The following RELN variants were observed in gnomAD, a reference collection of about 807,000 sequenced individuals.
RELN encodes the protein reelin.
Under a neutral mutation model 427.6 loss-of-function variants are expected in RELN, and 108 were observed. That is an observed-to-expected ratio of 0.25 (90% confidence interval 0.22 to 0.30). The LOEUF is 0.30. RELN is among the 10% of genes least tolerant of loss of function. The probability of loss-of-function intolerance (pLI) is 1.00; values close to 1 mark genes in which losing one functional copy is unlikely to be tolerated. For missense variants in RELN, 3,715 were observed against 4,302.8 expected (o/e 0.86, Z 3.82); for synonymous variants, 1,524 against 1,513.4 (o/e 1.01, Z -0.16).
chr7:103,847,660 A>G (rs898433641), intron 2 of RELN, among the ~76,000 whole-genome samples: 4 of 152,180 alleles, frequency 2.6e-5, no homozygotes, highest in African/African-American at 9.7e-5. Flanking sequence ...AGGCTTGAGA[A>G]TATTGGAGGT....
rs140563047 is a variant in RELN at position 103,583,938 on chromosome 7, C to T, written c.4145+5658G>A. Among the ~76,000 whole-genome samples the T allele has an allele frequency of 9.6e-4, 147 of 152,352 alleles. 1 individual carries two copies. In the East Asian group the frequency reaches 0.014, roughly 15 times the overall value. On this transcript the variant is annotated intron_variant, in intron 28 of 64. Coordinates refer to ENST00000428762, the MANE Select transcript of RELN (RefSeq NM_005045.4). ...GACAGGGAACTCACGCTAGGTCACT[C>T]ATGCCCCACTCCTGAGACCTGAATA... is the stretch of plus-strand genomic sequence containing the variant.
At chr7:103,772,256 T>C (rs1427929958) in intron 4 of RELN, among the ~76,000 whole-genome samples, 1 of 152,218 alleles carries the variant, frequency 6.6e-6, no homozygotes, top group Non-Finnish European at 1.5e-5. Context: ...ATATATCTCA[T>C]GGCAGACAAG....
At chr7:103,629,322 A>G (rs1832400909) in intron 20 of RELN, among the ~76,000 whole-genome samples, 1 of 152,198 alleles carries the variant, frequency 6.6e-6, no homozygotes, top group South Asian at 2.1e-4. Flanking sequence ...TGACCACAGG[A>G]GGAAAAATCT....
At chr7:103,740,040 G>T (rs1160887677) in intron 6 of RELN, among the ~76,000 whole-genome samples, 3 of 152,106 alleles carry the variant, frequency 2.0e-5, no homozygotes, top group African/African-American at 7.2e-5. Flanking sequence ...GTGGATATCT[G>T]CAGGAACAGA....
intron 51 of RELN, among the ~76,000 whole-genome samples, chr7:103,506,343 C>G (rs891185326): frequency 6.6e-6 from 1 of 152,198 alleles, no homozygotes; most frequent in Non-Finnish European, 1.5e-5. Context: ...GGAAGCCCAT[C>G]AGACTAACAG....
At chr7:103,701,132 TC>T (rs1315345922) in intron 8 of RELN, 126 bp from the exon 9 acceptor site, 2 of 685,544 alleles carry the variant, frequency 2.9e-6, no homozygotes, top group African/African-American at 3.5e-5. Context: ...TCCCCATTCT[TC>T]TAATGATGCT....
At chr7:103,768,359 T>C (rs1791477167) in intron 4 of RELN, among the ~76,000 whole-genome samples, 1 of 151,336 alleles carries the variant, frequency 6.6e-6, no homozygotes, top group South Asian at 2.1e-4. Flanking sequence ...ACCTCAGAGA[T>C]ATTAAAAAAA....
intron 19 of RELN, among the ~76,000 whole-genome samples, chr7:103,633,534 TA>T (rs35166651): frequency 6.1e-4 from 93 of 151,810 alleles, no homozygotes; most frequent in African/African-American, 2.2e-3. Context: ...GTTCTCCTTT[TA>T]AAAAAACTCC....
chr7:103,597,981 G>A (rs1033740488), intron 24 of RELN, among the ~76,000 whole-genome samples: 1 of 152,160 alleles, frequency 6.6e-6, no homozygotes, highest in Non-Finnish European at 1.5e-5. Flanking sequence ...AGAGTTCCCA[G>A]GAAGTTCAAT....
chr7:103,918,747 A>C (rs1795544632), intron 1 of RELN, among the ~76,000 whole-genome samples: 1 of 152,160 alleles, frequency 6.6e-6, no homozygotes, highest in Admixed American at 6.6e-5. Flanking sequence ...GACTTTATAC[A>C]TCAGATGAGC....
In RELN at chr7:103,515,502, TA is replaced by T. The variant is rs988234612; in HGVS notation, c.7863-62del. 5.8e-6 allele frequency: 9 copies of T among 1,548,120 alleles called. No individual in the cohort carries two copies. In the African/African-American group the frequency reaches 1.9e-4, roughly 34 times the overall value. On this transcript the variant is annotated intron_variant, in intron 49 of 64. Transcript: ENST00000428762. Reference sequence around the variant, plus strand: ...ACCCTTGTCAAATATCTTCTCTGAGTAAAAGATTTACAACCAGCCATAAGAT... The same window carrying T: ...ACCCTTGTCAAATATCTTCTCTGAGTAAAGATTTACAACCAGCCATAAGAT...
intron 3 of RELN, among the ~76,000 whole-genome samples, chr7:103,807,380 T>C (rs1442866758): frequency 1.3e-5 from 2 of 152,122 alleles, no homozygotes; most frequent in African/African-American, 4.8e-5. Context: ...GGATACTTTT[T>C]GAAATTAGGA....
intron 10 of RELN, among the ~76,000 whole-genome samples, chr7:103,691,112 T>A (rs1452705052): frequency 6.6e-6 from 1 of 151,982 alleles, no homozygotes; most frequent in Non-Finnish European, 1.5e-5. Context: ...TCATATTAAT[T>A]ACTAAAAAAG....
chr7:103,701,616 T>G (rs1251221742), intron 8 of RELN, among the ~76,000 whole-genome samples: 1 of 152,184 alleles, frequency 6.6e-6, no homozygotes, highest in Non-Finnish European at 1.5e-5. Flanking sequence ...TCATTATTAT[T>G]TTCAATAGTG....
chr7:103,677,557 G>A (rs1050430492), intron 11 of RELN, among the ~76,000 whole-genome samples: 7 of 149,892 alleles, frequency 4.7e-5, no homozygotes, highest in South Asian at 2.1e-4. Flanking sequence ...CTTGAGGTCA[G>A]GAGTTCGAGA....
chr7:103,696,600 G>T (rs1833980928), intron 10 of RELN, among the ~76,000 whole-genome samples: 1 of 151,900 alleles, frequency 6.6e-6, no homozygotes, highest in African/African-American at 2.4e-5. Context: ...TTCTCAATAT[G>T]TCCCCAACCT....
At chr7:103,886,055 G>A (rs977412388) in intron 2 of RELN, among the ~76,000 whole-genome samples, 2 of 152,146 alleles carry the variant, frequency 1.3e-5, no homozygotes, top group African/African-American at 2.4e-5. Flanking sequence ...TTTATGTGAA[G>A]TGACTAAATA....
chr7:103,926,100 T>A (rs890275355), intron 1 of RELN, among the ~76,000 whole-genome samples: 5 of 17,724 alleles, frequency 2.8e-4, no homozygotes, highest in Non-Finnish European at 6.0e-4. Flanking sequence ...CCACCCCGCC[T>A]TTTTTTTTTT....
At chr7:103,860,701 G>T (rs190513377) in intron 2 of RELN, among the ~76,000 whole-genome samples, 77 of 152,094 alleles carry the variant, frequency 5.1e-4, no homozygotes, top group African/African-American at 1.7e-3. Flanking sequence ...ATGAGCCACC[G>T]CACCCGGCCC....
Sources: allele counts gnomAD v4.1 joint callset (sites outside exome capture counted in the v4.1 genomes callset), GRCh38; gene constraint gnomAD v4.1.1; transcripts MANE v1.5; gene names NCBI Gene and HGNC (gene_info 2026-07-23, HGNC 2026-07-21).